Variants in SLC60A1 observed in about 807,000 individuals in gnomAD.
SLC60A1 encodes solute carrier family 60 member 1, also known as major facilitator superfamily domain containing 4.
chr1:205,584,991 G>A, the SLC60A1 span: 10 of 1,613,122 alleles, frequency 6.2e-6, no homozygotes, highest in South Asian at 1.1e-5. Context: ...ATGGGTTGAC[G>A]GTGAGCCTGC....
chr1:205,569,374 G>A, the SLC60A1 span: 1 of 929,464 alleles, frequency 1.1e-6, no homozygotes. Context: ...CTTCCCTCCC[G>A]CCCCGCGACC....
At chr1:205,599,429 C>T in the SLC60A1 span, among the ~76,000 whole-genome samples, 6 of 152,212 alleles carry the variant, frequency 3.9e-5, no homozygotes, top group African/African-American at 9.6e-5. Context: ...GCTTTCCATA[C>T]GATTGTCTGC....
the SLC60A1 span, chr1:205,583,980 T>A: frequency 6.2e-7 from 1 of 1,613,724 alleles, no homozygotes; most frequent in South Asian, 1.1e-5. Context: ...GCTGTGCTGA[T>A]GCTGCTGTCC....
At chr1:205,592,398 T>C in the SLC60A1 span, 1 of 1,150,748 alleles carries the variant, frequency 8.7e-7, no homozygotes, top group Non-Finnish European at 1.2e-6. Context: ...TTATTATTAT[T>C]ATACTTCACG....
the SLC60A1 span, among the ~76,000 whole-genome samples, chr1:205,590,189 C>T: frequency 6.6e-6 from 1 of 152,162 alleles, no homozygotes; most frequent in African/African-American, 2.4e-5. Context: ...ACAAGCATGC[C>T]TGCTGTAGAG....
At chr1:205,602,807 A>AAAG in the SLC60A1 span, 1 of 152,242 alleles carries the variant, frequency 6.6e-6, no homozygotes, top group Non-Finnish European at 1.5e-5. Context: ...ACAGATTTAG[A>AAAG]AAGAAGAATC....
the SLC60A1 span, among the ~76,000 whole-genome samples, chr1:205,593,070 T>C: frequency 6.6e-6 from 1 of 152,128 alleles, no homozygotes; most frequent in Admixed American, 6.6e-5. Flanking sequence ...TTCCCTAGCC[T>C]CCCGAGTGCC....
chr1:205,593,168 G>C, the SLC60A1 span, among the ~76,000 whole-genome samples: 2,676 of 152,112 alleles, frequency 0.018, 95 homozygotes, highest in African/African-American at 0.062. Flanking sequence ...TGGAAAACCA[G>C]CATTAAGATA....
the SLC60A1 span, chr1:205,599,323 A>T: frequency 6.3e-7 from 1 of 1,576,784 alleles, no homozygotes; most frequent in Non-Finnish European, 8.6e-7. Context: ...GGAGCAGGAG[A>T]TGCTATGGAT....
chr1:205,580,633 C>A, the SLC60A1 span: 2 of 1,588,826 alleles, frequency 1.3e-6, no homozygotes, highest in Admixed American at 1.8e-5. The surrounding 1 kb of genome is among the most constrained non-coding windows in gnomAD (Gnocchi z 5.0). Context: ...ACCCCCACCC[C>A]CACCCGCCAC....
At chr1:205,578,207 G>A in the SLC60A1 span, among the ~76,000 whole-genome samples, 2 of 152,324 alleles carry the variant, frequency 1.3e-5, no homozygotes, top group South Asian at 2.1e-4. Context: ...CCTGGTACCC[G>A]TGTCAGTAGA....
At chr1:205,597,714 G>C in the SLC60A1 span, 1 of 1,564,438 alleles carries the variant, frequency 6.4e-7, no homozygotes. Context: ...CAGCAACCTG[G>C]ATTGTAATGC....
chr1:205,584,834 AG>A, the SLC60A1 span: 2 of 1,579,398 alleles, frequency 1.3e-6, no homozygotes, highest in Non-Finnish European at 1.7e-6. Flanking sequence ...GGGAGGGAGC[AG>A]AAGCTGAGAC....
At chr1:205,600,545 G>A in the SLC60A1 span, 2 of 1,401,956 alleles carry the variant, frequency 1.4e-6, no homozygotes, top group Non-Finnish European at 2.0e-6. Context: ...GGGTGGTGGT[G>A]GAGGCGCTCT....
chr1:205,570,933 G>A, the SLC60A1 span, among the ~76,000 whole-genome samples: 116 of 152,198 alleles, frequency 7.6e-4, no homozygotes, highest in Non-Finnish European at 1.2e-3. Flanking sequence ...TGTGAAGCCA[G>A]CAGAGATGCA....
the SLC60A1 span, chr1:205,602,566 G>A: frequency 6.6e-6 from 1 of 152,612 alleles, no homozygotes; most frequent in Admixed American, 6.5e-5. Context: ...CTCCTCATAA[G>A]CGGCTTAGAA....
At chr1:205,580,829 C>G in the SLC60A1 span, 1 of 1,614,200 alleles carries the variant, frequency 6.2e-7, no homozygotes. The surrounding 1 kb of genome is among the most constrained non-coding windows in gnomAD (Gnocchi z 5.0). Context: ...AGATGCCAAG[C>G]CTTGGTCCAA....
At chr1:205,600,062 A>G in the SLC60A1 span, 40,162 of 205,564 alleles carry the variant, frequency 0.2, 4,424 homozygotes, top group Non-Finnish European at 0.23. Flanking sequence ...AACAGCACTA[A>G]CTATAGCCTC....
At chr1:205,585,797 C>T in the SLC60A1 span, among the ~76,000 whole-genome samples, 4 of 152,178 alleles carry the variant, frequency 2.6e-5, no homozygotes, top group African/African-American at 4.8e-5. The surrounding 1 kb of genome is among the most constrained non-coding windows in gnomAD (Gnocchi z 4.2). Flanking sequence ...CTCTCTGGAA[C>T]CCCTAGGTCT....
Sources: gnomAD v4.1 joint callset for allele counts (sites outside exome capture counted in the v4.1 genomes callset) on GRCh38, gnomAD v4.1.1 for gene constraint, Gnocchi (gnomAD v3.1) non-coding constraint, MANE v1.5 for transcripts, NCBI Gene and HGNC (gene_info 2026-07-23, HGNC 2026-07-21) for gene names.